PAM: variants seen among roughly 807,000 people sequenced by gnomAD.
PAM encodes peptidyl-glycine alpha-amidating monooxygenase.
In PAM, 72 loss-of-function variants were observed where a neutral mutation model predicts 122.1. That is an observed-to-expected ratio of 0.59 (90% CI 0.49 to 0.72). The LOEUF is 0.72. Among genes scored for constraint, PAM ranks in the 30% least tolerant of loss-of-function variants. The pLI is 0.00. For missense variants in PAM, 1,106 were observed against 1,183.7 expected, an observed-to-expected ratio of 0.93 and a Z score of 0.96; for synonymous variants, 389 against 404.4, an observed-to-expected ratio of 0.96 and a Z score of 0.46.
At chr5:102,770,597 CT>C (rs1316119259) in intron 1 of PAM, among the ~76,000 whole-genome samples, 2 of 152,064 alleles carry the variant, frequency 1.3e-5, no homozygotes, top group African/African-American at 4.8e-5. Context: ...TTATCATATG[CT>C]TTTCCAGCAT....
At position 102,803,202 on chromosome 5, in the gene PAM, G is replaced by T. The variant is rs867490159; in HGVS notation, c.-374+47854G>T. Among the ~76,000 whole-genome samples, 126 of 30,268 alleles carry T rather than the reference G, an allele frequency of 4.2e-3. 1 individual carries two copies. The highest frequency in any genetic ancestry group is 0.059 in the Middle Eastern group (2 of 34). The allele number at this position is 30,268 out of a possible 152,430, so 19.9% of individuals were successfully genotyped here. ...GGAAGGAAGGAAGGAAGGAAGGAAG[G>T]AAGGAAAGAAGGAAGGAAGGAAGGA... is the stretch of plus-strand genomic sequence containing the variant. On this transcript the variant is annotated intron_variant, in intron 1 of 25. Coordinates refer to ENST00000438793, the MANE Select transcript of PAM (RefSeq NM_001177306.2).
At chr5:102,812,856 A>C (rs1309990443) in intron 1 of PAM, among the ~76,000 whole-genome samples, 2 of 152,144 alleles carry the variant, frequency 1.3e-5, no homozygotes, top group East Asian at 3.8e-4. Context: ...ATATACATTT[A>C]GTTATTTCTT....
intron 3 of PAM, chr5:102,873,459 T>A (rs1788173651): frequency 6.6e-6 from 1 of 152,488 alleles, no homozygotes; most frequent in African/African-American, 2.4e-5. Context: ...AAGATCCCCA[T>A]CCAACTCCAG....
intron 16 of PAM, among the ~76,000 whole-genome samples, chr5:102,992,682 T>A (rs1774483731): frequency 6.6e-6 from 1 of 152,120 alleles, no homozygotes; most frequent in African/African-American, 2.4e-5. Context: ...GAATTTATGA[T>A]GTACAGGTGA....
intron 5 of PAM, among the ~76,000 whole-genome samples, chr5:102,924,655 C>G (rs138584880): frequency 2.0e-5 from 3 of 151,654 alleles, no homozygotes; most frequent in African/African-American, 7.3e-5. Context: ...GCTTTTCTAC[C>G]TGATTACATA....
At chr5:102,848,034 T>G (rs1278239279) in intron 1 of PAM, among the ~76,000 whole-genome samples, 2 of 152,212 alleles carry the variant, frequency 1.3e-5, no homozygotes, top group African/African-American at 4.8e-5. Flanking sequence ...TGCTGGGATT[T>G]GCAGAATATA....
intron 3 of PAM, among the ~76,000 whole-genome samples, chr5:102,876,337 C>T (rs1789208331): frequency 6.6e-6 from 1 of 152,066 alleles, no homozygotes; most frequent in African/African-American, 2.4e-5. Context: ...CCCGTGTACC[C>T]CTGCAATCTG....
chr5:102,775,241 C>G (rs893450919), intron 1 of PAM, among the ~76,000 whole-genome samples: 2 of 152,030 alleles, frequency 1.3e-5, no homozygotes, highest in African/African-American at 4.8e-5. Flanking sequence ...CAATATGACA[C>G]TATTCTTTGG....
At chr5:102,772,675 T>C (rs1034318004) in intron 1 of PAM, among the ~76,000 whole-genome samples, 1 of 152,146 alleles carries the variant, frequency 6.6e-6, no homozygotes, top group Non-Finnish European at 1.5e-5. Context: ...ATAGCACTTA[T>C]ACAGCTATAA....
intron 23 of PAM, 31 bp downstream of exon 23, chr5:103,019,874 C>T: frequency 7.2e-7 from 1 of 1,381,108 alleles, no homozygotes; most frequent in Non-Finnish European, 1.0e-6. Context: ...TACTATAAAA[C>T]CAAAGTCTGG....
chr5:102,981,773 C>T lies in PAM; in HGVS notation c.1483+7337C>T, dbSNP rs529109939. Among the ~76,000 whole-genome samples the T allele has an allele frequency of 4.6e-5, 7 of 152,160 alleles. No homozygotes were observed. The East Asian group carries it at 7.7e-4, about 17-fold the overall frequency. On this transcript the variant is annotated intron_variant, in intron 15 of 25. Coordinates refer to ENST00000438793, the MANE Select transcript of PAM (RefSeq NM_001177306.2). ...AGTTTCAGGAGTGGTGAATGAGTAC[C>T]GAATTTTGACAACTACATGAGAGAA...
chr5:102,793,801 T>C (rs1762663984), intron 1 of PAM, among the ~76,000 whole-genome samples: 1 of 152,210 alleles, frequency 6.6e-6, no homozygotes, highest in South Asian at 2.1e-4. Context: ...AATTAATTTA[T>C]CAATTTGTAG....
At chr5:102,755,369 T>C (rs447531) in intron 1 of PAM, 21 bp downstream of exon 1, 73,361 of 151,950 alleles carry the variant, frequency 0.48, 18,011 homozygotes, top group African/African-American at 0.55. Flanking sequence ...TTGCCGCTGC[T>C]GCCGCCACTG....
intron 1 of PAM, among the ~76,000 whole-genome samples, chr5:102,828,420 T>G (rs1774320249): frequency 1.3e-5 from 2 of 152,184 alleles, no homozygotes; most frequent in African/African-American, 4.8e-5. Flanking sequence ...TTACTTCATC[T>G]TGATGGCTTC....
chr5:102,981,656 G>A (rs541010364), intron 15 of PAM, among the ~76,000 whole-genome samples: 16 of 152,322 alleles, frequency 1.1e-4, no homozygotes, highest in Non-Finnish European at 1.9e-4. Flanking sequence ...ATTCTGTCTA[G>A]TTGTAGCAGT....
intron 1 of PAM, among the ~76,000 whole-genome samples, chr5:102,779,734 T>C (rs1459423509): frequency 1.3e-5 from 2 of 151,680 alleles, no homozygotes; most frequent in African/African-American, 2.4e-5. Context: ...TTTTCTCCCA[T>C]GCTGGATGCT....
At chr5:102,786,938 C>A (rs1316739180) in intron 1 of PAM, among the ~76,000 whole-genome samples, 1 of 151,936 alleles carries the variant, frequency 6.6e-6, no homozygotes, top group East Asian at 1.9e-4. Flanking sequence ...AATGATAAAT[C>A]CCAGCAGATA....
chr5:102,829,377 T>G (rs962344692), intron 1 of PAM, among the ~76,000 whole-genome samples: 4 of 150,156 alleles, frequency 2.7e-5, no homozygotes, highest in Non-Finnish European at 4.5e-5. Context: ...TTTTTTTTTT[T>G]TTTTTTTTTT....
chr5:102,873,603 T>C (rs1272610495), intron 3 of PAM: 1 of 152,232 alleles, frequency 6.6e-6, no homozygotes, highest in Admixed American at 6.5e-5. Context: ...AGAATAGACA[T>C]AGCAAATGAG....
Sources: allele counts gnomAD v4.1 joint callset (sites outside exome capture counted in the v4.1 genomes callset), GRCh38; gene constraint gnomAD v4.1.1; transcripts MANE v1.5; gene names NCBI Gene and HGNC (gene_info 2026-07-23, HGNC 2026-07-21).